ZNF782: variants seen among roughly 807,000 people sequenced by gnomAD.
ZNF782 encodes zinc finger protein 782.
In ZNF782, 12 loss-of-function variants were observed where a neutral mutation model predicts 13.0. The ratio of observed to expected loss-of-function variants is 0.92; its 90% CI spans 0.59 to 1.50. ZNF782 has a LOEUF of 1.50. Ranked by LOEUF, ZNF782 falls within the 40% of genes most tolerant of loss-of-function variation. The pLI is 0.00. For missense variants in ZNF782, 770 were observed against 822.9 expected, an observed-to-expected ratio of 0.94 and a Z score of 0.79; for synonymous variants, 284 against 283.0, an observed-to-expected ratio of 1.00 and a Z score of -0.04.
At position 96,838,232 on chromosome 9, in the gene ZNF782, G is replaced by A. The variant is rs576537811; in HGVS notation, c.142+6658C>T. Among the ~76,000 whole-genome samples the A allele has an allele frequency of 2.6e-5, 4 of 152,280 alleles. No individual in the cohort carries two copies. The East Asian group carries it at 7.7e-4, about 29-fold the overall frequency. On this transcript the variant is annotated intron_variant, in intron 4 of 5. Transcript: ENST00000481138. ...ATTTGATTTCTGGTATGGTTTGAAA[G>A]CACACTTTTTATGATTTCTGTACTT...
the ZNF782 span, among the ~76,000 whole-genome samples, chr9:96,921,816 C>T: frequency 6.6e-6 from 1 of 151,032 alleles, no homozygotes; most frequent in African/African-American, 2.4e-5. Flanking sequence ...GCCTCAGCCT[C>T]CCAACTAGCT....
chr9:96,878,423 T>C (rs192070303), upstream of ZNF782, among the ~76,000 whole-genome samples: 4 of 152,344 alleles, frequency 2.6e-5, no homozygotes, highest in South Asian at 4.1e-4. Flanking sequence ...AATTTGATTA[T>C]AGCAGTGCAT....
rs549533609 is a variant in ZNF782 at position 96,873,891 on chromosome 9, T to C, written c.-457+1577A>G. 1.4e-4 allele frequency among the ~76,000 whole-genome samples: 22 copies of C among 152,364 alleles called. No homozygotes were observed. In the South Asian group the frequency reaches 4.6e-3, roughly 32 times the overall value. ...GTTTGGGGTATGGAAACTAAGTTTC[T>C]AGTAGGGTGGTAACTATGGCAGTTT... On this transcript the variant is annotated intron_variant, in intron 1 of 5. Coordinates refer to the ZNF782 transcript ENST00000498811.
At chr9:96,879,597 G>C (rs907773935), upstream of ZNF782, among the ~76,000 whole-genome samples, 2 of 152,202 alleles carry the variant, frequency 1.3e-5, no homozygotes, top group African/African-American at 4.8e-5. Context: ...GACGCCCTGT[G>C]ACTAGTGACA....
upstream of ZNF782, among the ~76,000 whole-genome samples, chr9:96,880,014 T>C (rs1851943546): frequency 6.6e-6 from 1 of 152,190 alleles, no homozygotes; most frequent in South Asian, 2.1e-4. Context: ...TTCCCAGTAC[T>C]ATGTTGAATA....
At chr9:96,907,679 C>A in the ZNF782 span, among the ~76,000 whole-genome samples, 1 of 151,280 alleles carries the variant, frequency 6.6e-6, no homozygotes, top group Non-Finnish European at 1.5e-5. Flanking sequence ...CACTCTTGGT[C>A]GCCCAGGCTA....
chr9:96,872,687 T>A (rs1279848249), intron 1 of ZNF782, among the ~76,000 whole-genome samples: 1 of 152,244 alleles, frequency 6.6e-6, no homozygotes, highest in Admixed American at 6.5e-5. Context: ...AATCCATGCC[T>A]CTATGTAAGA....
At chr9:96,885,319 T>C in the ZNF782 span, among the ~76,000 whole-genome samples, 1 of 152,096 alleles carries the variant, frequency 6.6e-6, no homozygotes. Flanking sequence ...CAAATACAAG[T>C]TAGAGAACTG....
the ZNF782 span, among the ~76,000 whole-genome samples, chr9:96,925,247 G>A: frequency 8.6e-5 from 13 of 152,006 alleles, no homozygotes; most frequent in Non-Finnish European, 1.3e-4. Flanking sequence ...GGAGGGCCCC[G>A]CAGGAGATGG....
chr9:96,845,972 A>G (rs954922904), intron 3 of ZNF782, among the ~76,000 whole-genome samples: 7 of 152,240 alleles, frequency 4.6e-5, no homozygotes. Flanking sequence ...TAACCTATAA[A>G]GGAAAACTTA....
the ZNF782 span, among the ~76,000 whole-genome samples, chr9:96,881,725 CA>C: frequency 6.6e-6 from 1 of 152,024 alleles, no homozygotes; most frequent in Admixed American, 6.6e-5. Context: ...TTGTTCAGAC[CA>C]TAAATGTTCA....
At chr9:96,867,567 G>A (rs554394804) in intron 1 of ZNF782, among the ~76,000 whole-genome samples, 2 of 152,270 alleles carry the variant, frequency 1.3e-5, no homozygotes, top group African/African-American at 2.4e-5. Flanking sequence ...ATCATAAAAC[G>A]GGTTTAGTCT....
chr9:96,833,451 T>C (rs1850871972), intron 4 of ZNF782, among the ~76,000 whole-genome samples: 1 of 152,236 alleles, frequency 6.6e-6, no homozygotes, highest in South Asian at 2.1e-4. Flanking sequence ...AAGGACATTG[T>C]AGAATGTTCT....
intron 4 of ZNF782, among the ~76,000 whole-genome samples, chr9:96,840,110 T>A (rs1281345046): frequency 6.6e-6 from 1 of 152,270 alleles, no homozygotes; most frequent in Non-Finnish European, 1.5e-5. Context: ...TATGGTTGAT[T>A]ACTATTTTAT....
At chr9:96,905,376 T>TAA in the ZNF782 span, among the ~76,000 whole-genome samples, 1 of 151,472 alleles carries the variant, frequency 6.6e-6, no homozygotes, top group African/African-American at 2.4e-5. Flanking sequence ...ACAAATGCCA[T>TAA]GGCAATGTCA....
the ZNF782 span, among the ~76,000 whole-genome samples, chr9:96,929,626 C>A: frequency 2.0e-5 from 3 of 151,878 alleles, no homozygotes; most frequent in African/African-American, 7.3e-5. Flanking sequence ...GAGATGGCTT[C>A]TCCGTCAGTT....
intron 3 of ZNF782, among the ~76,000 whole-genome samples, chr9:96,851,297 A>G (rs1289443738): frequency 1.3e-5 from 2 of 152,206 alleles, no homozygotes; most frequent in Admixed American, 6.5e-5. Context: ...GAAGCTGACT[A>G]ATGAACTAAT....
the ZNF782 span, among the ~76,000 whole-genome samples, chr9:96,913,694 T>G: frequency 3.3e-5 from 5 of 151,850 alleles, no homozygotes; most frequent in South Asian, 8.3e-4. Context: ...AGCTAATTTT[T>G]GTAATTTTTT....
chr9:96,832,951 G>T (rs557627135), intron 4 of ZNF782, among the ~76,000 whole-genome samples: 12 of 151,950 alleles, frequency 7.9e-5, no homozygotes, highest in African/African-American at 2.4e-4. Flanking sequence ...AAACGTTAGA[G>T]ATTTTCTTGT....
Sources: allele counts gnomAD v4.1 joint callset (sites outside exome capture counted in the v4.1 genomes callset), GRCh38; gene constraint gnomAD v4.1.1; transcripts MANE v1.5; gene names NCBI Gene and HGNC (gene_info 2026-07-23, HGNC 2026-07-21).